DNAH7: variants seen among roughly 807,000 people sequenced by gnomAD.
DNAH7 encodes axonemal beta dynein heavy chain 7.
DNAH7 carries 397 observed loss-of-function variants against 444.6 expected under a neutral mutation model. The ratio of observed to expected loss-of-function variants is 0.89; its 90% CI spans 0.82 to 0.97. The LOEUF is 0.97. Ranked by LOEUF, DNAH7 falls within the 50% of genes least tolerant of loss-of-function variation. The pLI is 0.00. For missense variants in DNAH7, 4,902 were observed against 4,800.8 expected, an observed-to-expected ratio of 1.02 and a Z score of -0.62; for synonymous variants, 1,636 against 1,624.4, an observed-to-expected ratio of 1.01 and a Z score of -0.17.
At chr2:195,754,612 G>A (rs1466870575) in intron 62 of DNAH7, 98 bp from the exon 63 acceptor site, 3 of 1,253,312 alleles carry the variant, frequency 2.4e-6, no homozygotes, top group East Asian at 5.0e-5. Flanking sequence ...CAGGGCTCAG[G>A]TGATCCTCTC....
At chr2:195,957,794 T>C (rs1389577497) in intron 18 of DNAH7, among the ~76,000 whole-genome samples, 2 of 152,134 alleles carry the variant, frequency 1.3e-5, no homozygotes, top group Non-Finnish European at 2.9e-5. Flanking sequence ...GATATACACG[T>C]TAAGATATAC....
At chr2:195,803,560 C>A (rs927064992) in intron 54 of DNAH7, among the ~76,000 whole-genome samples, 1 of 152,224 alleles carries the variant, frequency 6.6e-6, no homozygotes, top group Non-Finnish European at 1.5e-5. Context: ...CCTCTTCAAT[C>A]TGATTATGCC....
chr2:196,062,841 T>C (rs1206401743), intron 1 of DNAH7, among the ~76,000 whole-genome samples: 1 of 152,240 alleles, frequency 6.6e-6, no homozygotes, highest in Admixed American at 6.5e-5. Context: ...TTTAATGTTA[T>C]ATTTAATCAA....
intron 1 of DNAH7, among the ~76,000 whole-genome samples, chr2:196,062,332 ATACT>A (rs1698175238): frequency 6.6e-6 from 1 of 152,288 alleles, no homozygotes; most frequent in South Asian, 2.1e-4. Flanking sequence ...CCTCTGGCAC[ATACT>A]TAACTAAACC....
At chr2:196,051,348 A>G (rs1697455290) in intron 2 of DNAH7, 99 bp from the exon 3 acceptor site, 2 of 883,660 alleles carry the variant, frequency 2.3e-6, no homozygotes, top group East Asian at 2.5e-5. Flanking sequence ...TAAAAAGTAC[A>G]TATTATCCAA....
At chr2:195,902,457 CT>C (rs1420995931) in intron 27 of DNAH7, 1 of 151,592 alleles carries the variant, frequency 6.6e-6, no homozygotes, top group African/African-American at 2.4e-5. Context: ...TCAACAACTA[CT>C]TTTTTAAAGA....
chr2:195,905,295 G>T (rs147903273), intron 27 of DNAH7: 1 of 152,056 alleles, frequency 6.6e-6, no homozygotes, highest in South Asian at 2.1e-4. Context: ...AACAAGAAAG[G>T]CTTTCCAAAA....
chr2:195,935,712 A>G (rs1689003204), intron 20 of DNAH7, among the ~76,000 whole-genome samples: 1 of 152,194 alleles, frequency 6.6e-6, no homozygotes, highest in Non-Finnish European at 1.5e-5. Context: ...CAAGTTGAGC[A>G]TGGAGGGAGC....
chr2:195,983,891 C>T (rs1006338631), intron 15 of DNAH7, among the ~76,000 whole-genome samples: 10 of 152,092 alleles, frequency 6.6e-5, no homozygotes, highest in Non-Finnish European at 1.5e-4. Context: ...TCAGGCTTCC[C>T]GGGACAGTCC....
chr2:195,922,488 G>A (rs998867216), intron 23 of DNAH7, among the ~76,000 whole-genome samples: 1 of 152,134 alleles, frequency 6.6e-6, no homozygotes, highest in Non-Finnish European at 1.5e-5. Flanking sequence ...TAACAGATGA[G>A]GAAATTGATG....
intron 61 of DNAH7, among the ~76,000 whole-genome samples, chr2:195,758,556 C>T (rs1280789400): frequency 2.6e-5 from 4 of 152,168 alleles, no homozygotes; most frequent in Admixed American, 2.6e-4. Flanking sequence ...ACTATCTACA[C>T]AAAAAAGCAA....
At position 195,740,640 on chromosome 2, in the gene DNAH7, TATATACATATAC is replaced by T. The variant is rs1191631606; in HGVS notation, c.11868+114_11868+125del. ...GTATATATATATATATATATATATA[TATATACATATAC>T]ACACACACATATGTATACACATATA... On this transcript the variant is annotated intron_variant, in intron 64 of 64. Transcript: ENST00000312428. 16 of 91,448 alleles carry T rather than the reference TATATACATATAC, an allele frequency of 1.7e-4. No individual in the cohort carries two copies. In the South Asian group the frequency reaches 3.5e-3, roughly 20 times the overall value. The allele number at this position is 91,448 out of a possible 1,614,324, so 5.7% of individuals were successfully genotyped here.
In DNAH7 at chr2:196,068,717, C is replaced by G; in HGVS notation, c.-6G>C. 1 of 1,551,302 alleles carries G rather than the reference C, an allele frequency of 6.4e-7. No homozygotes were observed. Among genetic ancestry groups the G allele is most frequent in the Non-Finnish European group, 8.7e-7 (1 of 1,147,368 alleles). The stretch of plus-strand genomic sequence containing the variant: ...CTCACCTGCTCACTGCTCATGGCTG[C>G]GAGGACGCGCTGGCCTCACCGGTGC... On this transcript the variant is annotated 5_prime_UTR_variant, in exon 1 of 65. Transcript: ENST00000312428.
chr2:195,845,186 G>A, intron 46 of DNAH7, 21 bp from the exon 47 acceptor site: 1 of 1,589,532 alleles, frequency 6.3e-7, no homozygotes, highest in Non-Finnish European at 8.6e-7. Context: ...TCCACAGAAA[G>A]ATAAAGAAAT....
intron 47 of DNAH7, among the ~76,000 whole-genome samples, chr2:195,835,410 A>G (rs1389774873): frequency 6.6e-6 from 1 of 152,040 alleles, no homozygotes; most frequent in East Asian, 1.9e-4. Context: ...ATTGAAAAGA[A>G]AAAAAGGTAG....
chr2:195,804,338 A>G (rs74443678), intron 54 of DNAH7, among the ~76,000 whole-genome samples: 1,719 of 152,290 alleles, frequency 0.011, 36 homozygotes, highest in East Asian at 0.069. Context: ...AATTTCACCA[A>G]TAGAAATTGG....
At chr2:195,966,993 T>G (rs1691522565) in intron 17 of DNAH7, among the ~76,000 whole-genome samples, 1 of 152,160 alleles carries the variant, frequency 6.6e-6, no homozygotes, top group Admixed American at 6.5e-5. Flanking sequence ...TCTGCCATTT[T>G]GTTTTATGTT....
intron 23 of DNAH7, among the ~76,000 whole-genome samples, chr2:195,922,691 A>G (rs1688095707): frequency 1.3e-5 from 2 of 152,122 alleles, no homozygotes; most frequent in African/African-American, 4.8e-5. Flanking sequence ...ACAAAAGCCT[A>G]TATGATGAAA....
At chr2:195,786,989 T>C (rs895916807) in intron 58 of DNAH7, 21 bp downstream of exon 58, 2 of 1,550,246 alleles carry the variant, frequency 1.3e-6, no homozygotes, top group Admixed American at 4.3e-5. Context: ...GGTAATGTCC[T>C]TGCTGTGATT....
Sources: gnomAD v4.1 joint callset for allele counts (sites outside exome capture counted in the v4.1 genomes callset) on GRCh38, gnomAD v4.1.1 for gene constraint, MANE v1.5 for transcripts, NCBI Gene and HGNC (gene_info 2026-07-23, HGNC 2026-07-21) for gene names.